Variants in CUL9 observed in about 807,000 individuals in gnomAD.
The protein encoded by CUL9 is cullin-9.
In CUL9, 79 loss-of-function variants were observed where a neutral mutation model predicts 272.6. That is an observed-to-expected ratio of 0.29 (90% CI 0.24 to 0.35). The LOEUF is 0.35. Among genes scored for constraint, CUL9 ranks in the 10% least tolerant of loss-of-function variants. CUL9 has a pLI of 1.00. For synonymous variants in CUL9, 1,186 were observed against 1,286.5 expected, an observed-to-expected ratio of 0.92 and a Z score of 1.67; for missense variants, 2,532 against 3,255.6, an observed-to-expected ratio of 0.78 and a Z score of 5.41.
At position 43,223,919 on chromosome 6, in the gene CUL9, C is replaced by A; in HGVS notation, c.7285-176C>A. 1.5e-6 allele frequency: 1 copy of A among 665,856 alleles called. No individual in the cohort carries two copies. Among genetic ancestry groups the A allele is most frequent in the South Asian group, 1.7e-5 (1 of 59,676 alleles). 41.2% of individuals were successfully genotyped at this position (665,856 alleles called of 1,614,324 possible). On this transcript the variant is annotated intron_variant, in intron 39 of 40. Coordinates refer to ENST00000252050, the MANE Select transcript of CUL9 (RefSeq NM_015089.4). This position sits in a 1 kb window ranked among gnomAD's most constrained non-coding sequence, Gnocchi z 4.1. Reference sequence around the variant, plus strand: ...GTGTGCCTCACCTGGTACCCCGTATCCCTGGAGACCATCTGTGGGTGAACT... The same window carrying A: ...GTGTGCCTCACCTGGTACCCCGTATACCTGGAGACCATCTGTGGGTGAACT...
intron 17 of CUL9, 116 bp from the exon 18 acceptor site, chr6:43,202,993 G>T: frequency 7.9e-7 from 1 of 1,269,494 alleles, no homozygotes; most frequent in Non-Finnish European, 1.1e-6. Context: ...CCATCCCTAG[G>T]CTCTGCGGGA....
In CUL9 at chr6:43,186,353, G is replaced by C. The variant is rs941849; in HGVS notation, c.1149G>C (p.Leu383=). ...SGYGEYVQQT[L]QPGMRVRMLD... is the part of the protein sequence containing the mutation. ...ATGGAGAATATGTGCAGCAGACACT[G>C]CAGCCAGGGATGCGAGTGCGGATGC... is the stretch of plus-strand genomic sequence containing the variant. The change falls in exon 4 of 41, where the codon CTG becomes CTC. Residue 383 remains leucine, a synonymous_variant. Transcript: ENST00000252050. 6.4e-4 allele frequency: 1,033 copies of C among 1,614,092 alleles called. 1 individual carries two copies. The highest frequency in any genetic ancestry group is 8.3e-4 in the Non-Finnish European group (974 of 1,180,008).
At chr6:43,192,829 A>AGG (rs1318912783) in intron 8 of CUL9, among the ~76,000 whole-genome samples, 172 bp from the exon 9 acceptor site, 1 of 152,062 alleles carries the variant, frequency 6.6e-6, no homozygotes, top group Non-Finnish European at 1.5e-5. Flanking sequence ...TAGGCTGCAG[A>AGG]GGGGAGGGGA....
intron 26 of CUL9, among the ~76,000 whole-genome samples, chr6:43,212,441 A>T (rs1775588735): frequency 6.6e-6 from 1 of 151,208 alleles, no homozygotes; most frequent in South Asian, 2.1e-4. Flanking sequence ...TTCAAGAGAA[A>T]CCCTTTCACT....
intron 1 of CUL9, among the ~76,000 whole-genome samples, chr6:43,182,538 T>C (rs148364641): frequency 6.7e-6 from 1 of 148,888 alleles, no homozygotes; most frequent in East Asian, 2.0e-4. Context: ...CCCCCACACC[T>C]CAGTTTATTG....
At chr6:43,191,886 A>G (rs1407784848) in intron 8 of CUL9, among the ~76,000 whole-genome samples, 1 of 150,214 alleles carries the variant, frequency 6.7e-6, no homozygotes, top group African/African-American at 2.4e-5. Context: ...TGCCCAGACA[A>G]CATTATATTT....
chr6:43,184,476 G>A lies in CUL9; in HGVS notation c.166G>A (p.Glu56Lys), dbSNP rs543821565. ...KCGEVGKVGV[E>K]EGKAEHILMW... ...TGGGGAAGTGGGCAAAGTGGGTGTG[G>A]AAGAAGGCAAAGCAGAGCACATCCT... Residue 56 changes from glutamate to lysine, a missense_variant, in exon 2 of 41, where the codon GAA (glutamate) becomes AAA (lysine). This residue lies in a region of CUL9 where 2,218 missense variants were observed against 2,788.6 expected (regional missense o/e 0.80). Coordinates refer to ENST00000252050, the MANE Select transcript of CUL9 (RefSeq NM_015089.4). This position sits in a 1 kb window ranked among gnomAD's most constrained non-coding sequence, Gnocchi z 4.8. 1 of 1,613,718 alleles carries A rather than the reference G, an allele frequency of 6.2e-7. No homozygotes were observed. Among genetic ancestry groups the A allele is most frequent in the Non-Finnish European group, 8.5e-7 (1 of 1,179,796 alleles).
At position 43,186,946 on chromosome 6, in the gene CUL9, C is replaced by T. The variant is rs1443352590; in HGVS notation, c.1252-14C>T. 5.0e-6 allele frequency: 8 copies of T among 1,613,132 alleles called. No homozygotes were observed. The highest frequency in any genetic ancestry group is 2.2e-5 in the East Asian group (1 of 44,874). ...CTTCTCTATTCTGCTCTCTTTCTTC[C>T]TCCCTCATACCAGGTTTTCTGGCAG... On this transcript the variant is annotated splice_polypyrimidine_tract_variant and intron_variant, in intron 4 of 40. Transcript: ENST00000252050.
At chr6:43,185,148 A>G (rs1452103462) in intron 2 of CUL9, among the ~76,000 whole-genome samples, 3 of 152,246 alleles carry the variant, frequency 2.0e-5, no homozygotes, top group African/African-American at 7.2e-5. Flanking sequence ...ACTTATCTGT[A>G]TTTTTGAAAC....
At chr6:43,209,105 C>G (rs891834799) in intron 26 of CUL9, among the ~76,000 whole-genome samples, 3 of 151,690 alleles carry the variant, frequency 2.0e-5, no homozygotes, top group African/African-American at 7.3e-5. Context: ...ACATGAGCCA[C>G]TGTGCCCAGC....
In CUL9 at chr6:43,203,664, T is replaced by A; in HGVS notation, c.4025+72T>A. The A allele has an allele frequency of 6.5e-7, 1 of 1,544,808 alleles. No individual in the cohort carries two copies. Among genetic ancestry groups the A allele is most frequent in the Non-Finnish European group, 8.8e-7 (1 of 1,139,130 alleles). On this transcript the variant is annotated intron_variant, in intron 19 of 40. Transcript: ENST00000252050. This position sits in a 1 kb window ranked among gnomAD's most constrained non-coding sequence, Gnocchi z 5.0. ...GTGAGAAGTAGGAGGGATGCTCCTG[T>A]GGGAGTCCGGAAGGGAAAGCTGCAG...
In CUL9 at chr6:43,184,243, C is replaced by T. The variant is rs775439286; in HGVS notation, c.-9-59C>T. 1.2e-5 allele frequency: 15 copies of T among 1,269,822 alleles called. No homozygotes were observed. The highest frequency in any genetic ancestry group is 3.2e-5 in the Admixed American group (1 of 31,042). The allele number at this position is 1,269,822 out of a possible 1,614,324, so 78.7% of individuals were successfully genotyped here. Reference sequence around the variant, plus strand: ...TTCTCTGTGTCTCAAGATTCCACCCCCTCCATGTATTTTTTTTCTTTTCTC... The same window carrying T: ...TTCTCTGTGTCTCAAGATTCCACCCTCTCCATGTATTTTTTTTCTTTTCTC... On this transcript the variant is annotated intron_variant, in intron 1 of 40. Coordinates refer to ENST00000252050, the MANE Select transcript of CUL9 (RefSeq NM_015089.4). The surrounding 1 kb of genome is among the most constrained non-coding windows in gnomAD (Gnocchi z 4.8).
Position 43,206,107 on chromosome 6 carries a change from C to T in CUL9, c.4894C>T (p.Leu1632=). The T allele has an allele frequency of 6.2e-7, 1 of 1,614,212 alleles. No homozygotes were observed. Among genetic ancestry groups the T allele is most frequent in the Non-Finnish European group, 8.5e-7 (1 of 1,180,052 alleles). Residue 1632 remains leucine (L), a synonymous_variant, in exon 25 of 41, where the codon CTG becomes TTG. Transcript: ENST00000252050. The surrounding 1 kb of genome is among the most constrained non-coding windows in gnomAD (Gnocchi z 4.8). ...CTGTTTTCCCAACCGCCTCCCACAG[C>T]TGATGCTGCAGAGCCTGAGCACCTC... is the stretch of plus-strand genomic sequence containing the variant. ...GLCFPNRLPQ[L]MLQSLSTSEE...
intron 9 of CUL9, 77 bp downstream of exon 9, chr6:43,193,285 C>T: frequency 7.5e-7 from 1 of 1,327,220 alleles, no homozygotes; most frequent in South Asian, 1.2e-5. Flanking sequence ...TGAGGGGGTA[C>T]TTTGGTGCTT....
At chr6:43,219,800 C>A (rs1383066342) in intron 31 of CUL9, among the ~76,000 whole-genome samples, 1 of 151,958 alleles carries the variant, frequency 6.6e-6, no homozygotes, top group African/African-American at 2.4e-5. Flanking sequence ...GGAGAGGAGA[C>A]CATGGATCAG....
Position 43,222,648 on chromosome 6 carries a change from G to A in CUL9, c.7032+7G>A. ...ACTGGAGCAGGCTCGGAAGGTGGTAGCGGGTGGGGGAAGAGAGCAGGGGAG... is the reference window on the plus strand; with the variant it reads ...ACTGGAGCAGGCTCGGAAGGTGGTAACGGGTGGGGGAAGAGAGCAGGGGAG... On this transcript the variant is annotated splice_region_variant and intron_variant, in intron 37 of 40. Transcript: ENST00000252050. 6.2e-7 allele frequency: 1 copy of A among 1,611,436 alleles called. No individual in the cohort carries two copies. The highest frequency in any genetic ancestry group is 1.1e-5 in the South Asian group (1 of 91,082).
chr6:43,222,486 T>A (rs1477373462), intron 36 of CUL9, 45 bp from the exon 37 acceptor site: 1 of 1,601,642 alleles, frequency 6.2e-7, no homozygotes, highest in African/African-American at 1.3e-5. Context: ...GGGCAGGTGG[T>A]GCTGCGCCAC....
In CUL9 at chr6:43,184,243, C is replaced by G. The variant is rs775439286; in HGVS notation, c.-9-59C>G. On this transcript the variant is annotated intron_variant, in intron 1 of 40. Coordinates refer to ENST00000252050, the MANE Select transcript of CUL9 (RefSeq NM_015089.4). The surrounding 1 kb of genome is among the most constrained non-coding windows in gnomAD (Gnocchi z 4.8). ...TTCTCTGTGTCTCAAGATTCCACCC[C>G]CTCCATGTATTTTTTTTCTTTTCTC... 14 of 1,269,822 alleles carry G rather than the reference C, an allele frequency of 1.1e-5. No homozygotes were observed. The highest frequency in any genetic ancestry group is 5.9e-5 in the South Asian group (3 of 51,260). The allele number at this position is 1,269,822 out of a possible 1,614,324, so 78.7% of individuals were successfully genotyped here. A position where few individuals can be genotyped will look rare whatever the true frequency, so the allele number is the denominator to read the frequency against.
At chr6:43,198,532 G>C in intron 11 of CUL9, 77 bp from the exon 12 acceptor site, 4 of 1,563,384 alleles carry the variant, frequency 2.6e-6, no homozygotes, top group East Asian at 4.5e-5. Flanking sequence ...TGATTTTCTG[G>C]ACCTTCCCAG....
Sources: gnomAD v4.1 joint callset for allele counts (sites outside exome capture counted in the v4.1 genomes callset) on GRCh38, gnomAD v4.1.1 for gene constraint, gnomAD v4.1.1 regional missense constraint, Gnocchi (gnomAD v3.1) non-coding constraint, MANE v1.5 for transcripts, NCBI Gene and HGNC (gene_info 2026-07-23, HGNC 2026-07-21) for gene names.